ATP6V1F: variants seen among roughly 807,000 people sequenced by gnomAD.
ATP6V1F encodes ATPase H+ transporting V1 subunit F, also known as V-type proton ATPase subunit F.
A neutral mutation model predicts 6.6 loss-of-function variants in ATP6V1F; 4 were observed. The ratio of observed to expected loss-of-function variants is 0.60; its 90% CI spans 0.30 to 1.38. ATP6V1F has a LOEUF of 1.38. Ranked by LOEUF, ATP6V1F falls within the 40% of genes most tolerant of loss-of-function variation. ATP6V1F has a pLI of 0.08. For missense variants in ATP6V1F, 136 were observed against 165.5 expected (o/e 0.82, Z 0.98); for synonymous variants, 68 against 66.9 (o/e 1.02, Z -0.08).
At chr7:128,864,416 T>C (rs1809337752) in intron 1 of ATP6V1F, among the ~76,000 whole-genome samples, 1 of 152,174 alleles carries the variant, frequency 6.6e-6, no homozygotes, top group Admixed American at 6.5e-5. Flanking sequence ...GGCCAGGTTC[T>C]TTTTGTGCAG....
chr7:128,865,216 G>A lies in ATP6V1F; in HGVS notation c.159-161G>A, dbSNP rs1809363831. 1.3e-6 allele frequency: 2 copies of A among 1,540,870 alleles called. No individual in the cohort carries two copies. The highest frequency in any genetic ancestry group is 1.4e-5 in the African/African-American group (1 of 73,064). Reference sequence around the variant, plus strand: ...AAATTGATTCTAGGTAGGGTTGACAGAGGGTTGAGCGTGGCAGCCTTTCCC... The same window carrying A: ...AAATTGATTCTAGGTAGGGTTGACAAAGGGTTGAGCGTGGCAGCCTTTCCC... On this transcript the variant is annotated intron_variant, in intron 1 of 1. Coordinates refer to ENST00000249289, the MANE Select transcript of ATP6V1F (RefSeq NM_004231.4). The surrounding 1 kb of genome is among the most constrained non-coding windows in gnomAD (Gnocchi z 4.4).
At position 128,865,846 on chromosome 7, in the gene ATP6V1F, C is replaced by T. The variant is rs1355044614; in HGVS notation, c.*268C>T. 9 of 513,212 alleles carry T rather than the reference C, an allele frequency of 1.8e-5. No individual in the cohort carries two copies. The highest frequency in any genetic ancestry group is 9.6e-5 in the African/African-American group (5 of 52,284). 31.8% of individuals were successfully genotyped at this position (513,212 alleles called of 1,614,324 possible). A position where few individuals can be genotyped will look rare whatever the true frequency, so the allele number is the denominator to read the frequency against. ...TTAAAGTCATATTCTTGCTTCTCTC[C>T]AGATGGGTTGGGTGCTGGAAAGGAC... On this transcript the variant is annotated 3_prime_UTR_variant, in exon 2 of 2. Coordinates refer to ENST00000249289, the MANE Select transcript of ATP6V1F (RefSeq NM_004231.4). The surrounding 1 kb of genome is among the most constrained non-coding windows in gnomAD (Gnocchi z 4.4).
rs1809365117 is a variant in ATP6V1F at position 128,865,272 on chromosome 7, A to T, written c.159-105A>T. The T allele has an allele frequency of 6.4e-7, 1 of 1,570,302 alleles. No individual in the cohort carries two copies. The highest frequency in any genetic ancestry group is 8.7e-7 in the Non-Finnish European group (1 of 1,154,306). On this transcript the variant is annotated intron_variant, in intron 1 of 1. Transcript: ENST00000249289. This position sits in a 1 kb window ranked among gnomAD's most constrained non-coding sequence, Gnocchi z 4.4. Reference sequence around the variant, plus strand: ...CCTCTGTGCCCTCTGGGTCATGCTCATTCCCCTCCACAGCCCAGCCCAACA... The same window carrying T: ...CCTCTGTGCCCTCTGGGTCATGCTCTTTCCCCTCCACAGCCCAGCCCAACA...
In ATP6V1F at chr7:128,865,695, A is replaced by C; in HGVS notation, c.*117A>C. The C allele has an allele frequency of 8.5e-7, 1 of 1,170,860 alleles. No homozygotes were observed. Among genetic ancestry groups the C allele is most frequent in the Non-Finnish European group, 1.2e-6 (1 of 845,260 alleles). 72.5% of individuals were successfully genotyped at this position (1,170,860 alleles called of 1,614,324 possible). A position where few individuals can be genotyped will look rare whatever the true frequency, so the allele number is the denominator to read the frequency against. ...CCAATTCCCTGCTCCTTCCCACTCC[A>C]TTAAGAGGCTAGGTGAGGCGCTTCT... On this transcript the variant is annotated 3_prime_UTR_variant, in exon 2 of 2. Transcript: ENST00000249289. This position sits in a 1 kb window ranked among gnomAD's most constrained non-coding sequence, Gnocchi z 4.4.
Position 128,865,055 on chromosome 7 carries a change from C to T in ATP6V1F, c.159-322C>T, listed in dbSNP as rs1273796739. The T allele has an allele frequency of 7.6e-7, 1 of 1,317,080 alleles. No homozygotes were observed. Among genetic ancestry groups the T allele is most frequent in the African/African-American group, 1.5e-5 (1 of 68,616 alleles). The allele number at this position is 1,317,080 out of a possible 1,614,324, so 81.6% of individuals were successfully genotyped here. A position where few individuals can be genotyped will look rare whatever the true frequency, so the allele number is the denominator to read the frequency against. ...TGCATACATATAATCTTATCCTTCC[C>T]CTTTCTGACACATCACTGCATATTG... On this transcript the variant is annotated intron_variant, in intron 1 of 1. Transcript: ENST00000249289. The surrounding 1 kb of genome is among the most constrained non-coding windows in gnomAD (Gnocchi z 4.4).
At chr7:128,864,951 C>T (rs1809356482) in intron 1 of ATP6V1F, 1 of 629,978 alleles carries the variant, frequency 1.6e-6, no homozygotes, top group Admixed American at 2.4e-5. Flanking sequence ...AATCCACCTG[C>T]CTCGGCCTCC....
rs1439697807 is a variant in ATP6V1F at position 128,863,036 on chromosome 7, C to T, written c.132C>T (p.Thr44=). Residue 44 remains threonine (T), a synonymous_variant, in exon 1 of 2, where the codon ACC becomes ACT. Coordinates refer to ENST00000249289, the MANE Select transcript of ATP6V1F (RefSeq NM_004231.4). ...PNFLVVEKDT[T]INEIEDTFRQ... is the part of the protein sequence containing the mutation. ...TCCTGGTGGTGGAGAAGGATACAAC[C>T]ATCAATGAGATCGAAGACACTTTCC... is the stretch of plus-strand genomic sequence containing the variant. The T allele has an allele frequency of 1.3e-5, 21 of 1,612,582 alleles. No individual in the cohort carries two copies. In the African/African-American group the frequency reaches 2.3e-4, roughly 17 times the overall value.
chr7:128,865,493 C>A lies in ATP6V1F; in HGVS notation c.275C>A (p.Pro92His), dbSNP rs866231753. 3 of 1,614,142 alleles carry A rather than the reference C, an allele frequency of 1.9e-6. No individual in the cohort carries two copies. The highest frequency in any genetic ancestry group is 2.5e-6 in the Non-Finnish European group (3 of 1,180,034). The stretch of plus-strand genomic sequence containing the variant: ...TCCATCCCCGCTGTCCTGGAGATCC[C>A]CTCCAAGGAGCACCCATATGACGCC... ...QQSIPAVLEI[P>H]SKEHPYDAAK... The change falls in exon 2 of 2, where the codon CCC becomes CAC. Residue 92 changes from proline to histidine, a missense_variant. Pro to His is a moderately conservative substitution (Grantham distance 77). Coordinates refer to ENST00000249289, the MANE Select transcript of ATP6V1F (RefSeq NM_004231.4). This position sits in a 1 kb window ranked among gnomAD's most constrained non-coding sequence, Gnocchi z 4.4.
rs765551522 is a variant in ATP6V1F, at chr7:128,865,159, C to T, written c.159-218C>T. ...TTCCGGGCAGTGTTGTAGAAGCCAACCCTAATCAGCGTGACCCTCCGCTTT... is the reference window on the plus strand; with the variant it reads ...TTCCGGGCAGTGTTGTAGAAGCCAATCCTAATCAGCGTGACCCTCCGCTTT... On this transcript the variant is annotated intron_variant, in intron 1 of 1. Transcript: ENST00000249289. This position sits in a 1 kb window ranked among gnomAD's most constrained non-coding sequence, Gnocchi z 4.4. The T allele has an allele frequency of 6.5e-7, 1 of 1,536,338 alleles. No homozygotes were observed.
chr7:128,863,936 C>G (rs1809326541), intron 1 of ATP6V1F, among the ~76,000 whole-genome samples: 1 of 152,212 alleles, frequency 6.6e-6, no homozygotes, highest in Non-Finnish European at 1.5e-5. Flanking sequence ...GGGAGAAGGA[C>G]AAATTTTACT....
At position 128,865,005 on chromosome 7, in the gene ATP6V1F, C is replaced by T; in HGVS notation, c.159-372C>T. On this transcript the variant is annotated intron_variant, in intron 1 of 1. Coordinates refer to ENST00000249289, the MANE Select transcript of ATP6V1F (RefSeq NM_004231.4). The surrounding 1 kb of genome is among the most constrained non-coding windows in gnomAD (Gnocchi z 4.4). Reference sequence around the variant, plus strand: ...GGCGTGAGCCATCACAGCTGGCCTTCAGTATCTGCACATAAAAAGGGATCT... The same window carrying T: ...GGCGTGAGCCATCACAGCTGGCCTTTAGTATCTGCACATAAAAAGGGATCT... 2.2e-6 allele frequency: 2 copies of T among 918,604 alleles called. No homozygotes were observed. Among genetic ancestry groups the T allele is most frequent in the South Asian group, 1.5e-5 (1 of 67,530 alleles). The allele number at this position is 918,604 out of a possible 1,614,324, so 56.9% of individuals were successfully genotyped here.
In ATP6V1F at chr7:128,862,913, G is replaced by A; in HGVS notation, c.9G>A (p.Gly3=). The change falls in exon 1 of 2, where the codon GGG becomes GGA. Residue 3 remains glycine (G), a synonymous_variant. Transcript: ENST00000249289. ...TCTGCCCGGCTGCAGGGATGGCGGG[G>A]AGGGGTAAGCTCATCGCAGTGATCG... is the stretch of plus-strand genomic sequence containing the variant. MA[G]RGKLIAVIGD... is the part of the protein sequence containing the mutation. 1 of 1,599,642 alleles carries A rather than the reference G, an allele frequency of 6.3e-7. No individual in the cohort carries two copies. Among genetic ancestry groups the A allele is most frequent in the Admixed American group, 1.7e-5 (1 of 57,508 alleles).
rs750972663 is a variant in ATP6V1F at position 128,865,482 on chromosome 7, C to A, written c.264C>A (p.Val88=). The A allele has an allele frequency of 2.5e-6, 4 of 1,614,022 alleles. No individual in the cohort carries two copies. The African/African-American group carries it at 5.3e-5, about 22-fold the overall frequency. The change falls in exon 2 of 2, where the codon GTC becomes GTA. Residue 88 remains valine (V), a synonymous_variant. Coordinates refer to ENST00000249289, the MANE Select transcript of ATP6V1F (RefSeq NM_004231.4). This position sits in a 1 kb window ranked among gnomAD's most constrained non-coding sequence, Gnocchi z 4.4. ...CCCACCAGCAGTCCATCCCCGCTGT[C>A]CTGGAGATCCCCTCCAAGGAGCACC... The part of the protein sequence containing the change: ...LDAHQQSIPA[V]LEIPSKEHPY...
chr7:128,865,256 C>A lies in ATP6V1F; in HGVS notation c.159-121C>A. 1 of 1,556,000 alleles carries A rather than the reference C, an allele frequency of 6.4e-7. No homozygotes were observed. ...CAGCCTTTCCCCTTGTCCTCTGTGC[C>A]CTCTGGGTCATGCTCATTCCCCTCC... is the stretch of plus-strand genomic sequence containing the variant. On this transcript the variant is annotated intron_variant, in intron 1 of 1. Coordinates refer to ENST00000249289, the MANE Select transcript of ATP6V1F (RefSeq NM_004231.4). This position sits in a 1 kb window ranked among gnomAD's most constrained non-coding sequence, Gnocchi z 4.4.
Position 128,863,187 on chromosome 7 carries a change from G to C in ATP6V1F, c.158+125G>C, listed in dbSNP as rs992727275. ...AAAGTCCTTCCGCCCTTCCGGAGCG[G>C]AGGCCTCCGCGCCCCAAGTCCCCGT... On this transcript the variant is annotated intron_variant, in intron 1 of 1. Coordinates refer to ENST00000249289, the MANE Select transcript of ATP6V1F (RefSeq NM_004231.4). 3.2e-6 allele frequency: 4 copies of C among 1,254,240 alleles called. No homozygotes were observed. In the African/African-American group the frequency reaches 4.6e-5, roughly 15 times the overall value. The allele number at this position is 1,254,240 out of a possible 1,614,324, so 77.7% of individuals were successfully genotyped here.
At chr7:128,863,783 T>C (rs1033122745) in intron 1 of ATP6V1F, among the ~76,000 whole-genome samples, 1 of 152,150 alleles carries the variant, frequency 6.6e-6, no homozygotes, top group Admixed American at 6.5e-5. Context: ...AATAAACCAC[T>C]CACCTGTTTC....
rs919075801 is a variant in ATP6V1F, at chr7:128,865,714, C to T, written c.*136C>T. 1.3e-4 allele frequency: 126 copies of T among 974,710 alleles called. No individual in the cohort carries two copies. Among genetic ancestry groups the T allele is most frequent in the Non-Finnish European group, 1.7e-4 (112 of 674,262 alleles). The allele number at this position is 974,710 out of a possible 1,614,324, so 60.4% of individuals were successfully genotyped here. ...CACTCCATTAAGAGGCTAGGTGAGG[C>T]GCTTCTAGGTTGCTGGGGCTCTGCT... is the stretch of plus-strand genomic sequence containing the variant. On this transcript the variant is annotated 3_prime_UTR_variant, in exon 2 of 2. Transcript: ENST00000249289. This position sits in a 1 kb window ranked among gnomAD's most constrained non-coding sequence, Gnocchi z 4.4.
Position 128,863,032 on chromosome 7 carries a change from C to T in ATP6V1F, c.128C>T (p.Thr43Ile). 1 of 1,613,098 alleles carries T rather than the reference C, an allele frequency of 6.2e-7. No homozygotes were observed. The highest frequency in any genetic ancestry group is 1.7e-5 in the Admixed American group (1 of 59,876). ...AATTTCCTGGTGGTGGAGAAGGATACAACCATCAATGAGATCGAAGACACT... is the reference window on the plus strand; with the variant it reads ...AATTTCCTGGTGGTGGAGAAGGATATAACCATCAATGAGATCGAAGACACT... ...HPNFLVVEKD[T>I]TINEIEDTFR... The change falls in exon 1 of 2, where the codon ACA becomes ATA. Residue 43 changes from threonine to isoleucine, a missense_variant. Coordinates refer to ENST00000249289, the MANE Select transcript of ATP6V1F (RefSeq NM_004231.4).
rs1809377461 is a variant in ATP6V1F, at chr7:128,865,584, T to TC, written c.*8dup. On this transcript the variant is annotated 3_prime_UTR_variant, in exon 2 of 2. Coordinates refer to ENST00000249289, the MANE Select transcript of ATP6V1F (RefSeq NM_004231.4). The surrounding 1 kb of genome is among the most constrained non-coding windows in gnomAD (Gnocchi z 4.4). ...CTGCCGAAGACCTGCGCTAGGGGAC[T>TC]CCTCATAGCCCTCAGCCCTTCCCTC... 2 of 1,611,222 alleles carry TC rather than the reference T, an allele frequency of 1.2e-6. No homozygotes were observed. The highest frequency in any genetic ancestry group is 1.7e-5 in the Admixed American group (1 of 59,858).
Sources: allele counts gnomAD v4.1 joint callset (sites outside exome capture counted in the v4.1 genomes callset), GRCh38; gene constraint gnomAD v4.1.1; non-coding constraint Gnocchi (gnomAD v3.1); transcripts MANE v1.5; gene names NCBI Gene and HGNC (gene_info 2026-07-23, HGNC 2026-07-21).